Variants in NFIA observed in about 807,000 individuals in gnomAD.
NFIA encodes the protein nuclear factor I A, also known as nuclear factor 1 A-type.
In NFIA, 8 loss-of-function variants were observed where a neutral mutation model predicts 62.8. The ratio of observed to expected loss-of-function variants is 0.13; its 90% confidence interval spans 0.07 to 0.23. The LOEUF (loss-of-function observed/expected upper bound fraction) is 0.23, where lower values mean the gene tolerates loss of function less well. NFIA is among the 10% of genes least tolerant of loss of function. NFIA has a pLI of 1.00. For synonymous variants in NFIA, 235 were observed against 238.1 expected, an observed-to-expected ratio of 0.99 and a Z score of 0.12; for missense variants, 410 against 642.1, an observed-to-expected ratio of 0.64 and a Z score of 3.91.
rs1019084294 is a variant in NFIA at position 61,460,565 on chromosome 1, T to C, written c.*5245T>C. On this transcript the variant is annotated 3_prime_UTR_variant, in exon 11 of 11. Coordinates refer to ENST00000403491, the MANE Select transcript of NFIA (RefSeq NM_001134673.4). ...CTGAAGAAAAAAACTATATCAACTT[T>C]GGTATCTACTTTCCGTTTACTTCAA... 3.3e-5 allele frequency: 5 copies of C among 152,232 alleles called. No homozygotes were observed. Among genetic ancestry groups the C allele is most frequent in the African/African-American group, 7.2e-5 (3 of 41,456 alleles). The allele number at this position is 152,232 out of a possible 1,614,324, so 9.4% of individuals were successfully genotyped here.
intron 5 of NFIA, among the ~76,000 whole-genome samples, chr1:61,354,453 C>G (rs1404701915): frequency 6.6e-6 from 1 of 152,130 alleles, no homozygotes; most frequent in African/African-American, 2.4e-5. Flanking sequence ...TTCTCTGTGG[C>G]AGGCACCATA....
chr1:61,366,535 G>C (rs1663598166), intron 6 of NFIA, among the ~76,000 whole-genome samples: 1 of 152,186 alleles, frequency 6.6e-6, no homozygotes, highest in African/African-American at 2.4e-5. Flanking sequence ...AGTCAAATTT[G>C]ATAAGGAATA....
intron 2 of NFIA, among the ~76,000 whole-genome samples, chr1:61,180,753 C>T (rs914735): frequency 0.12 from 18,635 of 152,186 alleles, 1,644 homozygotes; most frequent in East Asian, 0.27. Context: ...GACCCGCTAA[C>T]ATCTTGGCAA....
Position 61,434,338 on chromosome 1 carries a change from T to C in NFIA, c.1512+7782T>C, listed in dbSNP as rs1014315127. ...GAGATGAGTTACTCATGCAATCTGCTTCCCCTCCCTCCATACTACTGTGGG... is the reference window on the plus strand; with the variant it reads ...GAGATGAGTTACTCATGCAATCTGCCTCCCCTCCCTCCATACTACTGTGGG... On this transcript the variant is annotated intron_variant, in intron 10 of 10. Transcript: ENST00000403491. Among the ~76,000 whole-genome samples the C allele has an allele frequency of 2.0e-5, 3 of 152,256 alleles. No individual in the cohort carries two copies. In the South Asian group the frequency reaches 6.2e-4, roughly 32 times the overall value.
intron 10 of NFIA, among the ~76,000 whole-genome samples, chr1:61,449,676 A>G (rs1667975086): frequency 1.8e-5 from 1 of 56,018 alleles, no homozygotes. Flanking sequence ...TAAGGCCACA[A>G]AGGTGCCGGG....
intron 2 of NFIA, among the ~76,000 whole-genome samples, chr1:61,099,763 A>T (rs1646477444): frequency 2.0e-5 from 3 of 151,950 alleles, no homozygotes; most frequent in African/African-American, 7.2e-5. Flanking sequence ...ACTCCCTTAG[A>T]TCCCAGACTT....
In NFIA at chr1:61,455,498, C is replaced by T; in HGVS notation, c.*178C>T. 1 of 979,010 alleles carries T rather than the reference C, an allele frequency of 1.0e-6. No homozygotes were observed. Among genetic ancestry groups the T allele is most frequent in the Non-Finnish European group, 1.5e-6 (1 of 655,720 alleles). 60.6% of individuals were successfully genotyped at this position (979,010 alleles called of 1,614,324 possible). On this transcript the variant is annotated 3_prime_UTR_variant, in exon 11 of 11. Coordinates refer to ENST00000403491, the MANE Select transcript of NFIA (RefSeq NM_001134673.4). ...AAGCATTATGGTCAAACAGCAAAGGCCATAACCTTTTGGGATTTTTTTTTT... is the reference window on the plus strand; with the variant it reads ...AAGCATTATGGTCAAACAGCAAAGGTCATAACCTTTTGGGATTTTTTTTTT...
intron 10 of NFIA, among the ~76,000 whole-genome samples, chr1:61,453,334 C>T (rs1266142816): frequency 6.7e-6 from 1 of 149,956 alleles, no homozygotes; most frequent in African/African-American, 2.5e-5. Context: ...GAAAAGAGAA[C>T]AATAGACCAG....
At chr1:61,089,718 AAGG>A (rs1646286262) in intron 2 of NFIA, among the ~76,000 whole-genome samples, 1 of 119,484 alleles carries the variant, frequency 8.4e-6, no homozygotes. Flanking sequence ...TTTTTTTACA[AAGG>A]AGAGATGTTA....
intron 3 of NFIA, among the ~76,000 whole-genome samples, chr1:61,297,557 G>A (rs919088839): frequency 2.6e-5 from 4 of 152,152 alleles, no homozygotes; most frequent in Non-Finnish European, 5.9e-5. Flanking sequence ...TGATATAAAT[G>A]TTGCGGTAGT....
intron 3 of NFIA, among the ~76,000 whole-genome samples, chr1:61,316,185 T>A (rs959083442): frequency 5.9e-5 from 9 of 152,178 alleles, no homozygotes; most frequent in African/African-American, 2.2e-4. Flanking sequence ...TAACAGTTTT[T>A]AAAATCAAGT....
chr1:61,268,634 G>C (rs943208903), intron 2 of NFIA, among the ~76,000 whole-genome samples: 3 of 152,138 alleles, frequency 2.0e-5, no homozygotes, highest in African/African-American at 7.2e-5. Flanking sequence ...GTGTTTTCCT[G>C]TTGATGCACA....
intron 3 of NFIA, among the ~76,000 whole-genome samples, chr1:61,330,606 G>C (rs1044031517): frequency 6.6e-6 from 1 of 152,064 alleles, no homozygotes; most frequent in African/African-American, 2.4e-5. Flanking sequence ...CAATTCCCAA[G>C]TCCTTGCACC....
intron 6 of NFIA, among the ~76,000 whole-genome samples, chr1:61,377,613 G>A (rs1346589756): frequency 1.3e-5 from 2 of 152,148 alleles, no homozygotes; most frequent in Non-Finnish European, 1.5e-5. Flanking sequence ...GAGGTTGCTT[G>A]CTTTCAGAGT....
chr1:61,366,859 G>A (rs1323780582), intron 6 of NFIA, among the ~76,000 whole-genome samples: 2 of 152,142 alleles, frequency 1.3e-5, no homozygotes, highest in Non-Finnish European at 2.9e-5. Flanking sequence ...GGAGGCAGAG[G>A]TTGCAGTGAG....
chr1:61,453,053 T>C (rs17265852), intron 10 of NFIA, among the ~76,000 whole-genome samples: 9,313 of 152,246 alleles, frequency 0.061, 408 homozygotes, highest in Non-Finnish European at 0.087. Flanking sequence ...TTTGTCTAAC[T>C]TTCCCAAGTG....
chr1:61,285,186 A>G (rs1224780974), intron 3 of NFIA, among the ~76,000 whole-genome samples: 1 of 152,120 alleles, frequency 6.6e-6, no homozygotes, highest in Non-Finnish European at 1.5e-5. Context: ...TGGAACTAGT[A>G]TGACAGGACC....
At chr1:61,102,682 C>T (rs1195122126) in intron 2 of NFIA, among the ~76,000 whole-genome samples, 1 of 152,114 alleles carries the variant, frequency 6.6e-6, no homozygotes, top group Non-Finnish European at 1.5e-5. Context: ...TATGAGTCTG[C>T]AGTATTACCA....
At chr1:61,115,378 A>T (rs1157124291) in intron 2 of NFIA, among the ~76,000 whole-genome samples, 1 of 152,218 alleles carries the variant, frequency 6.6e-6, no homozygotes, top group African/African-American at 2.4e-5. Flanking sequence ...TCCCTTCCAG[A>T]TGTCCCTAGA....
Sources: allele counts gnomAD v4.1 joint callset (sites outside exome capture counted in the v4.1 genomes callset), GRCh38; gene constraint gnomAD v4.1.1; transcripts MANE v1.5; gene names NCBI Gene and HGNC (gene_info 2026-07-23, HGNC 2026-07-21).